The following MGAT4C variants were observed in gnomAD, a reference collection of about 807,000 sequenced individuals.
The protein encoded by MGAT4C is alpha-1,3-mannosyl-glycoprotein 4-beta-N-acetylglucosaminyltransferase C.
A neutral mutation model predicts 40.1 loss-of-function variants in MGAT4C; 19 were observed. That is an observed-to-expected ratio of 0.47 (90% CI 0.33 to 0.70). The LOEUF is 0.70. Among genes scored for constraint, MGAT4C ranks in the 30% least tolerant of loss-of-function variants. MGAT4C has a pLI of 0.02. For synonymous variants in MGAT4C, 181 were observed against 187.1 expected, an observed-to-expected ratio of 0.97 and a Z score of 0.27; for missense variants, 491 against 563.2, an observed-to-expected ratio of 0.87 and a Z score of 1.30.
chr12:86,339,353 G>A (rs944430736), intron 3 of MGAT4C, among the ~76,000 whole-genome samples: 11 of 152,102 alleles, frequency 7.2e-5, no homozygotes, highest in Non-Finnish European at 1.2e-4. Flanking sequence ...GGCAATAGTA[G>A]AATAAACTAT....
In MGAT4C at chr12:86,308,636, A is replaced by T. The variant is rs529433247; in HGVS notation, c.-57+25429T>A. On this transcript the variant is annotated intron_variant, in intron 4 of 7. Transcript: ENST00000548651. ...TAATAATTTCAGTAAATAGATTTTT[A>T]AAATGGCAAAATACACAAAAACTGA... Among the ~76,000 whole-genome samples, 6 of 150,800 alleles carry T rather than the reference A, an allele frequency of 4.0e-5. 1 individual carries two copies. The highest frequency in any genetic ancestry group is 1.5e-4 in the African/African-American group (6 of 40,184).
intron 1 of MGAT4C, among the ~76,000 whole-genome samples, chr12:86,121,462 A>T (rs1248373878): frequency 6.6e-6 from 1 of 152,170 alleles, no homozygotes; most frequent in Non-Finnish European, 1.5e-5. Flanking sequence ...ACCAAAGTTG[A>T]AATGAAGGAA....
rs187556300 is a variant in MGAT4C, at chr12:86,211,338, G to A, written c.-57+44901C>T. ...AGCACTCTGGGAGGCCGAGATGGGC[G>A]GATCATGAGGTCAAGAGATCAAGAC... On this transcript the variant is annotated intron_variant, in intron 1 of 4. Transcript: ENST00000611864. Among the ~76,000 whole-genome samples the A allele has an allele frequency of 3.5e-3, 497 of 141,474 alleles. 1 individual carries two copies. The highest frequency in any genetic ancestry group is 0.013 in the African/African-American group (480 of 37,944). The allele number at this position is 141,474 out of a possible 152,430, so 92.8% of individuals were successfully genotyped here. A position where few individuals can be genotyped will look rare whatever the true frequency, so the allele number is the denominator to read the frequency against.
At chr12:86,128,650 G>A (rs1033991823) in intron 1 of MGAT4C, among the ~76,000 whole-genome samples, 2 of 152,138 alleles carry the variant, frequency 1.3e-5, no homozygotes, top group African/African-American at 4.8e-5. Flanking sequence ...AAGAATAAGT[G>A]ATAAAGAAGG....
intron 3 of MGAT4C, among the ~76,000 whole-genome samples, chr12:86,375,095 C>G (rs1955799761): frequency 6.6e-6 from 1 of 151,984 alleles, no homozygotes; most frequent in South Asian, 2.1e-4. Flanking sequence ...CTTTGTCACT[C>G]AATTATGATT....
chr12:86,010,692 A>T lies in MGAT4C; in HGVS notation c.-6-21140T>A, dbSNP rs1184770592. ...GACTCTGTCTCTAACAAACAAACAA[A>T]CCAACAAACAAACAAACACACAAAA... On this transcript the variant is annotated intron_variant, in intron 2 of 4. Transcript: ENST00000611864. 5.5e-5 allele frequency among the ~76,000 whole-genome samples: 3 copies of T among 54,858 alleles called. No homozygotes were observed. In the East Asian group the frequency reaches 6.8e-4, roughly 12 times the overall value. The allele number at this position is 54,858 out of a possible 152,430, so 36.0% of individuals were successfully genotyped here.
chr12:86,272,532 A>G (rs1952975741), intron 4 of MGAT4C, among the ~76,000 whole-genome samples: 1 of 152,180 alleles, frequency 6.6e-6, no homozygotes, highest in Admixed American at 6.5e-5. Context: ...ACAATCCTCA[A>G]CTAAAAACTA....
chr12:86,738,576 G>A (rs1051617300), intron 1 of MGAT4C, among the ~76,000 whole-genome samples: 45 of 151,190 alleles, frequency 3.0e-4, no homozygotes, highest in African/African-American at 9.4e-4. Context: ...TTTATAGTCA[G>A]TTGCAAGTAT....
At chr12:86,451,596 A>G (rs1436778608) in intron 2 of MGAT4C, among the ~76,000 whole-genome samples, 2 of 151,966 alleles carry the variant, frequency 1.3e-5, no homozygotes, top group Admixed American at 1.3e-4. Context: ...CTTTTGTCAG[A>G]TTTGAAAAAT....
At chr12:86,126,455 A>G (rs1273548419) in intron 1 of MGAT4C, among the ~76,000 whole-genome samples, 1 of 152,188 alleles carries the variant, frequency 6.6e-6, no homozygotes, top group Non-Finnish European at 1.5e-5. Context: ...CCGTTGTACT[A>G]AATTTGGCAT....
In MGAT4C at chr12:86,779,688, C is replaced by T. The variant is rs1023869703; in HGVS notation, c.-261-52447G>A. On this transcript the variant is annotated intron_variant, in intron 1 of 7. Transcript: ENST00000548651. ...CATCACTTTGGGAGGCCAAGGCGGG[C>T]GGATCACGAGGTCAGGAGATGGAGA... Among the ~76,000 whole-genome samples, 9 of 152,052 alleles carry T rather than the reference C, an allele frequency of 5.9e-5. No homozygotes were observed. The East Asian group carries it at 1.4e-3, about 23-fold the overall frequency.
intron 1 of MGAT4C, among the ~76,000 whole-genome samples, chr12:86,765,741 C>T (rs917233830): frequency 1.3e-5 from 2 of 152,098 alleles, no homozygotes; most frequent in African/African-American, 4.8e-5. Context: ...AATATTCAAC[C>T]CAGAATTTCA....
intron 3 of MGAT4C, among the ~76,000 whole-genome samples, chr12:86,341,244 G>A (rs2136183554): frequency 6.6e-6 from 1 of 152,208 alleles, no homozygotes; most frequent in Admixed American, 6.5e-5. Context: ...GCCACCCCAG[G>A]AAACTATGCT....
chr12:86,134,988 T>G (rs2135721162), intron 1 of MGAT4C, among the ~76,000 whole-genome samples: 1 of 152,284 alleles, frequency 6.6e-6, no homozygotes, highest in East Asian at 1.9e-4. Flanking sequence ...ATAGGATACC[T>G]TTGTTTAAAT....
intron 1 of MGAT4C, among the ~76,000 whole-genome samples, chr12:86,783,429 A>G (rs1225523739): frequency 5.3e-5 from 8 of 150,046 alleles, no homozygotes. Flanking sequence ...GAGGACAGAA[A>G]AATATTATGA....
At chr12:86,508,985 G>C (rs185829750) in intron 2 of MGAT4C, among the ~76,000 whole-genome samples, 4,145 of 151,852 alleles carry the variant, frequency 0.027, 160 homozygotes, top group African/African-American at 0.087. Flanking sequence ...GTTAGGTTGC[G>C]AAAATTTTCT....
rs1183332246 is a variant in MGAT4C, at chr12:85,989,553, C to T, written c.-6-1G>A. 1 of 1,593,538 alleles carries T rather than the reference C, an allele frequency of 6.3e-7. No individual in the cohort carries two copies. The highest frequency in any genetic ancestry group is 2.3e-5 in the East Asian group (1 of 44,256). ...TTTGATGAAATTTAAACATTCTCTT[C>T]TGTGGAAAAGAGACACAGAATTACT... is the stretch of plus-strand genomic sequence containing the variant. On this transcript the variant is annotated splice_acceptor_variant, in intron 2 of 4. Transcript: ENST00000611864. LOFTEE classifies it low-confidence loss of function (5UTR_SPLICE).
intron 2 of MGAT4C, among the ~76,000 whole-genome samples, chr12:86,510,604 T>C (rs944408632): frequency 3.8e-4 from 58 of 151,998 alleles, no homozygotes; most frequent in Non-Finnish European, 7.2e-4. Context: ...CCATCTCACA[T>C]GCAGAGACAA....
intron 2 of MGAT4C, among the ~76,000 whole-genome samples, chr12:85,994,933 A>G (rs1233482784): frequency 6.6e-6 from 1 of 152,182 alleles, no homozygotes; most frequent in Non-Finnish European, 1.5e-5. Context: ...TTAATGATGA[A>G]ATGGTAATTA....
Sources: allele counts gnomAD v4.1 joint callset (sites outside exome capture counted in the v4.1 genomes callset), GRCh38; gene constraint gnomAD v4.1.1; transcripts MANE v1.5; gene names NCBI Gene and HGNC (gene_info 2026-07-23, HGNC 2026-07-21).